Variants in ARHGEF3 observed in about 807,000 individuals in gnomAD.
The protein encoded by ARHGEF3 is Rho guanine nucleotide exchange factor 3.
In ARHGEF3, 28 loss-of-function variants were observed where a neutral mutation model predicts 63.2. The observed-to-expected ratio is 0.44, with a 90% CI of 0.33 to 0.61. The LOEUF is 0.61. Ranked by LOEUF, ARHGEF3 falls within the 20% of genes least tolerant of loss-of-function variation. The probability of loss-of-function intolerance (pLI) is 0.03; values close to 1 mark genes in which losing one functional copy is unlikely to be tolerated. For missense variants in ARHGEF3, 533 were observed against 659.3 expected (o/e 0.81, Z 2.10); for synonymous variants, 266 against 254.2 (o/e 1.05, Z -0.44).
At chr3:56,844,747 C>A (rs2039427852) in intron 4 of ARHGEF3, among the ~76,000 whole-genome samples, 1 of 152,046 alleles carries the variant, frequency 6.6e-6, no homozygotes, top group African/African-American at 2.4e-5. Context: ...TTGTGACAAC[C>A]CCAATGTTTT....
At chr3:56,826,512 G>A (rs1003751712) in intron 4 of ARHGEF3, among the ~76,000 whole-genome samples, 2 of 152,030 alleles carry the variant, frequency 1.3e-5, no homozygotes, top group East Asian at 1.9e-4. Context: ...CATACACTTT[G>A]GCCAAAAACA....
chr3:56,949,953 A>G lies in ARHGEF3; in HGVS notation c.129+8870T>C, dbSNP rs554019113. The stretch of plus-strand genomic sequence containing the variant: ...CAGAGATATAGACCAATGGAACAGA[A>G]CAGAGCCCTCAGAAATAATGCCGCA... On this transcript the variant is annotated intron_variant, in intron 3 of 12. Coordinates refer to the ARHGEF3 transcript ENST00000338458. 6.9e-3 allele frequency among the ~76,000 whole-genome samples: 1,050 copies of G among 152,146 alleles called. 9 individuals carry two copies. The highest frequency in any genetic ancestry group is 0.01 in the Non-Finnish European group (708 of 68,016).
Position 56,930,418 on chromosome 3 carries a change from C to A in ARHGEF3, c.129+28405G>T, listed in dbSNP as rs577487735. Among the ~76,000 whole-genome samples the A allele has an allele frequency of 1.4e-4, 21 of 152,212 alleles. 1 individual carries two copies. In the South Asian group the frequency reaches 4.4e-3, roughly 32 times the overall value. ...TGGTTTCTTCTAGAAATAAAACCAG[C>A]GTCAAGCATAAGGAATGAAAGGCAG... On this transcript the variant is annotated intron_variant, in intron 3 of 12. Transcript: ENST00000338458.
At chr3:57,066,483 G>A (rs1344974393) in intron 1 of ARHGEF3, among the ~76,000 whole-genome samples, 2 of 152,168 alleles carry the variant, frequency 1.3e-5, no homozygotes, top group African/African-American at 4.8e-5. Context: ...GGCTGGTCTT[G>A]AACTCCTGAC....
chr3:56,949,869 C>G (rs1429338724), intron 3 of ARHGEF3, among the ~76,000 whole-genome samples: 4 of 151,832 alleles, frequency 2.6e-5, no homozygotes, highest in Non-Finnish European at 5.9e-5. Flanking sequence ...CATGCTACCT[C>G]ACTTCAAACT....
At chr3:57,010,388 A>G (rs369804429) in intron 2 of ARHGEF3, among the ~76,000 whole-genome samples, 11 of 150,158 alleles carry the variant, frequency 7.3e-5, no homozygotes, top group South Asian at 2.2e-4. Context: ...CCCAGGAGGC[A>G]GAGCTTGCAG....
At chr3:57,046,537 G>C (rs1257442193) in intron 1 of ARHGEF3, among the ~76,000 whole-genome samples, 2 of 152,216 alleles carry the variant, frequency 1.3e-5, no homozygotes, top group Non-Finnish European at 2.9e-5. Context: ...GAATTCTAAA[G>C]TTAGTGGGAA....
At chr3:56,916,523 C>G in intron 3 of ARHGEF3, 2 of 1,361,370 alleles carry the variant, frequency 1.5e-6, no homozygotes, top group South Asian at 3.5e-5. Flanking sequence ...CTGAGAGCCG[C>G]ACCAGTCAAG....
intron 4 of ARHGEF3, among the ~76,000 whole-genome samples, chr3:56,850,207 A>G (rs1257815447): frequency 6.6e-6 from 1 of 152,224 alleles, no homozygotes; most frequent in African/African-American, 2.4e-5. Context: ...CTGATGAAAT[A>G]GTTACATACC....
chr3:56,817,482 A>T (rs111560763), intron 4 of ARHGEF3, among the ~76,000 whole-genome samples: 1,948 of 152,292 alleles, frequency 0.013, 47 homozygotes, highest in African/African-American at 0.045. Context: ...TCTTTCAACA[A>T]ATGGAGTAAT....
intron 2 of ARHGEF3, among the ~76,000 whole-genome samples, chr3:56,972,388 T>C (rs1461028270): frequency 6.6e-6 from 1 of 152,128 alleles, no homozygotes; most frequent in African/African-American, 2.4e-5. Flanking sequence ...ATAATAAATG[T>C]TGGCTTTAAA....
intron 2 of ARHGEF3, among the ~76,000 whole-genome samples, chr3:56,963,546 A>T (rs1186905377): frequency 6.6e-6 from 1 of 152,252 alleles, no homozygotes; most frequent in Admixed American, 6.5e-5. Context: ...CACCTTCGTC[A>T]GCAAGTTGTA....
At chr3:57,026,199 A>G (rs1202495627) in intron 2 of ARHGEF3, among the ~76,000 whole-genome samples, 2 of 152,154 alleles carry the variant, frequency 1.3e-5, no homozygotes, top group African/African-American at 4.8e-5. Flanking sequence ...CAGGAGTTTG[A>G]GACCAGCCTG....
At chr3:56,733,494 C>G (rs2033367697) in intron 8 of ARHGEF3, among the ~76,000 whole-genome samples, 1 of 151,410 alleles carries the variant, frequency 6.6e-6, no homozygotes, top group Admixed American at 6.6e-5. Context: ...GAAAAAAATT[C>G]TAAAAGATCA....
In ARHGEF3 at chr3:56,729,176, A is replaced by G; in HGVS notation, c.*94T>C. 8.9e-7 allele frequency: 1 copy of G among 1,118,332 alleles called. No homozygotes were observed. 69.3% of individuals were successfully genotyped at this position (1,118,332 alleles called of 1,614,324 possible). ...CCAACATGTATACTTTCACAAAAGT[A>G]TGAAAAAGTGCTTCTCCAAACCGTT... On this transcript the variant is annotated 3_prime_UTR_variant, in exon 10 of 10. Coordinates refer to ENST00000296315, the MANE Select transcript of ARHGEF3 (RefSeq NM_019555.3).
At chr3:56,770,718 C>T (rs1432294687) in intron 2 of ARHGEF3, among the ~76,000 whole-genome samples, 4 of 152,202 alleles carry the variant, frequency 2.6e-5, no homozygotes, top group Non-Finnish European at 4.4e-5. Context: ...AACATAAGCA[C>T]ATCGCTCAAT....
At chr3:56,847,016 G>A (rs891505165) in intron 4 of ARHGEF3, among the ~76,000 whole-genome samples, 1 of 152,210 alleles carries the variant, frequency 6.6e-6, no homozygotes, top group Non-Finnish European at 1.5e-5. Flanking sequence ...GCACTTAGTA[G>A]TATTTACTGA....
intron 3 of ARHGEF3, among the ~76,000 whole-genome samples, chr3:56,943,813 G>A (rs1271928522): frequency 6.6e-6 from 1 of 151,936 alleles, no homozygotes; most frequent in Non-Finnish European, 1.5e-5. Context: ...TACTCGGGAG[G>A]CTGAGGCAGG....
At chr3:56,958,483 C>G (rs527305466) in intron 3 of ARHGEF3, among the ~76,000 whole-genome samples, 1 of 152,056 alleles carries the variant, frequency 6.6e-6, no homozygotes, top group Admixed American at 6.6e-5. Flanking sequence ...CACATGCCAC[C>G]GTGCCCAGCT....
Sources: allele counts gnomAD v4.1 joint callset (sites outside exome capture counted in the v4.1 genomes callset), GRCh38; gene constraint gnomAD v4.1.1; transcripts MANE v1.5; gene names NCBI Gene and HGNC (gene_info 2026-07-23, HGNC 2026-07-21).